IL31RA: variants seen among roughly 807,000 people sequenced by gnomAD.
IL31RA encodes the protein interleukin-31 receptor subunit alpha.
In IL31RA, 66 loss-of-function variants were observed where a neutral mutation model predicts 83.7. That is an observed-to-expected ratio of 0.79 (90% CI 0.65 to 0.97). The LOEUF (loss-of-function observed/expected upper bound fraction) is 0.97, where lower values mean the gene tolerates loss of function less well. Among genes scored for constraint, IL31RA ranks in the 50% least tolerant of loss-of-function variants. The pLI, the probability that IL31RA is intolerant of heterozygous loss-of-function variation, is 0.00. For synonymous variants in IL31RA, 325 were observed against 329.0 expected, an observed-to-expected ratio of 0.99 and a Z score of 0.13; for missense variants, 798 against 919.4, an observed-to-expected ratio of 0.87 and a Z score of 1.71.
the IL31RA span, among the ~76,000 whole-genome samples, chr5:55,840,195 ACTG>A: frequency 6.6e-6 from 1 of 152,178 alleles, no homozygotes; most frequent in Middle Eastern, 3.2e-3. Flanking sequence ...GGAGTGTACT[ACTG>A]TTCATCTCTT....
chr5:55,840,571 C>T, the IL31RA span, among the ~76,000 whole-genome samples: 2 of 152,170 alleles, frequency 1.3e-5, no homozygotes, highest in Non-Finnish European at 2.9e-5. Flanking sequence ...AAAAAAATGT[C>T]CTGCCTTCAT....
chr5:55,875,688 C>T (rs1434806183), intron 4 of IL31RA, among the ~76,000 whole-genome samples: 1 of 152,134 alleles, frequency 6.6e-6, no homozygotes, highest in East Asian at 1.9e-4. Context: ...TGTATTATTA[C>T]TTTAGCAATT....
At chr5:55,874,248 T>C (rs1746702814) in intron 4 of IL31RA, among the ~76,000 whole-genome samples, 1 of 152,130 alleles carries the variant, frequency 6.6e-6, no homozygotes. Context: ...GGGTCTTCAA[T>C]TCTATTCCAT....
intron 1 of IL31RA, among the ~76,000 whole-genome samples, chr5:55,854,906 C>A (rs1017839378): frequency 1.3e-5 from 2 of 152,000 alleles, no homozygotes; most frequent in African/African-American, 2.4e-5. Flanking sequence ...ATTATTACTG[C>A]GACTATTATC....
the IL31RA span, among the ~76,000 whole-genome samples, chr5:55,844,891 C>A: frequency 1.3e-5 from 2 of 152,254 alleles, no homozygotes; most frequent in South Asian, 4.1e-4. Context: ...TATGTCCAGT[C>A]TACCTGTGAC....
intron 4 of IL31RA, among the ~76,000 whole-genome samples, chr5:55,872,980 A>T (rs970590418): frequency 6.6e-6 from 1 of 152,112 alleles, no homozygotes; most frequent in Non-Finnish European, 1.5e-5. Flanking sequence ...TGTATTCACA[A>T]AGTTGTACAT....
At chr5:55,865,105 AAAGTCCTCAGGGAGGGTTCC>A (rs1204673941) in intron 2 of IL31RA, among the ~76,000 whole-genome samples, 21 of 152,192 alleles carry the variant, frequency 1.4e-4, no homozygotes, top group Non-Finnish European at 1.6e-4. Context: ...GCTGACCCCA[AAAGTCCTCAGGGAGGGTTCC>A]AAGCTGCGTG....
At chr5:55,907,288 A>G in intron 9 of IL31RA, 71 bp from the exon 10 acceptor site, 1 of 877,644 alleles carries the variant, frequency 1.1e-6, no homozygotes, top group East Asian at 2.5e-5. Context: ...TTTGGCCATA[A>G]CTCTTAGTCT....
At chr5:55,893,166 A>C (rs1320778571) in intron 6 of IL31RA, among the ~76,000 whole-genome samples, 1 of 152,238 alleles carries the variant, frequency 6.6e-6, no homozygotes, top group Admixed American at 6.5e-5. Flanking sequence ...ATATCTACTC[A>C]CTACATGATA....
intron 10 of IL31RA, among the ~76,000 whole-genome samples, chr5:55,907,847 G>A (rs1006434697): frequency 6.6e-6 from 1 of 152,178 alleles, no homozygotes; most frequent in African/African-American, 2.4e-5. Context: ...ATAAGCAAAG[G>A]CTTTACTGGT....
At chr5:55,894,405 A>G (rs1748209254) in intron 6 of IL31RA, among the ~76,000 whole-genome samples, 1 of 152,194 alleles carries the variant, frequency 6.6e-6, no homozygotes, top group South Asian at 2.1e-4. Flanking sequence ...TGATTCAATA[A>G]AAGCCTTTGA....
intron 2 of IL31RA, among the ~76,000 whole-genome samples, chr5:55,867,671 G>A (rs193089492): frequency 9.5e-4 from 144 of 152,094 alleles, no homozygotes; most frequent in African/African-American, 3.2e-3. Flanking sequence ...AAAGACATAC[G>A]CGAGACTGGG....
intron 9 of IL31RA, 43 bp from the exon 10 acceptor site, chr5:55,907,316 G>C (rs781709552): frequency 8.4e-7 from 1 of 1,192,996 alleles, no homozygotes; most frequent in Admixed American, 1.7e-5. Context: ...CCCCCACTCT[G>C]CCGTGCTCTG....
intron 5 of IL31RA, among the ~76,000 whole-genome samples, 177 bp downstream of exon 5, chr5:55,883,372 A>G (rs1024646083): frequency 6.6e-5 from 10 of 152,180 alleles, no homozygotes; most frequent in South Asian, 2.1e-4. Flanking sequence ...TTTAGATTGG[A>G]AGGGTGTTCT....
At chr5:55,908,914 T>C in intron 11 of IL31RA, 1 of 1,234,044 alleles carries the variant, frequency 8.1e-7, no homozygotes, top group Non-Finnish European at 1.0e-6. Context: ...TTTTTCCAGT[T>C]TAAACATTTG....
intron 14 of IL31RA, among the ~76,000 whole-genome samples, chr5:55,916,402 A>T (rs1749782214): frequency 1.3e-5 from 2 of 151,588 alleles, no homozygotes; most frequent in African/African-American, 2.4e-5. Flanking sequence ...AATTATATAC[A>T]TATAAATAAA....
intron 5 of IL31RA, among the ~76,000 whole-genome samples, chr5:55,885,485 G>T (rs1394675003): frequency 1.3e-5 from 2 of 152,208 alleles, no homozygotes; most frequent in East Asian, 3.9e-4. Flanking sequence ...CCACACAGGA[G>T]CTAAAGAGGC....
intron 4 of IL31RA, among the ~76,000 whole-genome samples, chr5:55,881,715 G>GTTT (rs1561553513): frequency 3.9e-5 from 3 of 77,464 alleles, no homozygotes; most frequent in Non-Finnish European, 7.5e-5. Flanking sequence ...CAGTTCCTGA[G>GTTT]ATTTTTTTTT....
At chr5:55,870,975 T>C (rs1746470297) in intron 3 of IL31RA, among the ~76,000 whole-genome samples, 1 of 152,184 alleles carries the variant, frequency 6.6e-6, no homozygotes, top group African/African-American at 2.4e-5. Flanking sequence ...AATGCAGAAA[T>C]ATTCAACTAC....
Sources: allele counts gnomAD v4.1 joint callset (sites outside exome capture counted in the v4.1 genomes callset), GRCh38; gene constraint gnomAD v4.1.1; transcripts MANE v1.5; gene names NCBI Gene and HGNC (gene_info 2026-07-23, HGNC 2026-07-21).